Variants in ARID5B observed in about 807,000 individuals in gnomAD.
The protein encoded by ARID5B is AT-rich interactive domain-containing protein 5B.
ARID5B carries 13 observed loss-of-function variants against 97.2 expected under a neutral mutation model. The ratio of observed to expected loss-of-function variants is 0.13; its 90% confidence interval spans 0.09 to 0.21. The LOEUF (loss-of-function observed/expected upper bound fraction) is 0.21. ARID5B is among the 10% of genes least tolerant of loss of function. The pLI is 1.00. For missense variants in ARID5B, 1,210 were observed against 1,465.3 expected, an observed-to-expected ratio of 0.83 and a Z score of 2.84; for synonymous variants, 556 against 570.3, an observed-to-expected ratio of 0.97 and a Z score of 0.36.
chr10:62,006,098 G>A (rs80019219), intron 4 of ARID5B, among the ~76,000 whole-genome samples: 2,524 of 152,258 alleles, frequency 0.017, 78 homozygotes, highest in African/African-American at 0.058. Context: ...CTTACTTGGA[G>A]GACTGCTTTG....
chr10:62,095,477 T>C lies in ARID5B; in HGVS notation c.*2447T>C, dbSNP rs529599190. 19 of 233,602 alleles carry C rather than the reference T, an allele frequency of 8.1e-5. No individual in the cohort carries two copies. Among genetic ancestry groups the C allele is most frequent in the Non-Finnish European group, 1.3e-4 (15 of 118,038 alleles). 14.5% of individuals were successfully genotyped at this position (233,602 alleles called of 1,614,324 possible). A position where few individuals can be genotyped will look rare whatever the true frequency, so the allele number is the denominator to read the frequency against. ...ATGATTTCAGTCTGGTTTCATCATG[T>C]TGGAATTCGATCACACCATTTTCAA... On this transcript the variant is annotated 3_prime_UTR_variant, in exon 10 of 10. Coordinates refer to ENST00000279873, the MANE Select transcript of ARID5B (RefSeq NM_032199.3).
chr10:62,020,006 G>A (rs142802425), intron 4 of ARID5B, among the ~76,000 whole-genome samples: 4 of 152,054 alleles, frequency 2.6e-5, no homozygotes, highest in African/African-American at 9.7e-5. Flanking sequence ...GAAGAGAAGC[G>A]AGTCTCAGCC....
In ARID5B at chr10:61,914,682, C is replaced by A. The variant is rs1035208531; in HGVS notation, c.276+12269C>A. ...AATGAAGTCAAAGTCACAACATTTT[C>A]CATTAATTCAGTGACCACTTATATG... On this transcript the variant is annotated intron_variant, in intron 2 of 9. Coordinates refer to ENST00000279873, the MANE Select transcript of ARID5B (RefSeq NM_032199.3). 1.8e-4 allele frequency among the ~76,000 whole-genome samples: 27 copies of A among 152,308 alleles called. No homozygotes were observed. The East Asian group carries it at 5.0e-3, about 28-fold the overall frequency.
chr10:62,074,804 T>C (rs1840106878), intron 8 of ARID5B, among the ~76,000 whole-genome samples: 1 of 152,238 alleles, frequency 6.6e-6, no homozygotes, highest in African/African-American at 2.4e-5. Flanking sequence ...ATTTTCTGAC[T>C]TGTCCATGAA....
At chr10:62,076,306 G>A (rs1423366183) in intron 8 of ARID5B, among the ~76,000 whole-genome samples, 6 of 152,266 alleles carry the variant, frequency 3.9e-5, no homozygotes, top group South Asian at 2.1e-4. Context: ...TTGGGAGGCC[G>A]AGGCGGGCAG....
At chr10:61,937,351 T>C (rs978897499) in intron 2 of ARID5B, among the ~76,000 whole-genome samples, 2 of 152,186 alleles carry the variant, frequency 1.3e-5, no homozygotes, top group South Asian at 4.1e-4. Flanking sequence ...GCCATGCACA[T>C]GGGCTGACTG....
At chr10:62,045,490 G>A (rs1223021210) in intron 4 of ARID5B, among the ~76,000 whole-genome samples, 1 of 146,944 alleles carries the variant, frequency 6.8e-6, no homozygotes, top group African/African-American at 2.5e-5. Flanking sequence ...TCTGTTGCCT[G>A]CCCAGGCTGG....
At chr10:62,068,558 G>A (rs1840022908) in intron 7 of ARID5B, among the ~76,000 whole-genome samples, 1 of 149,626 alleles carries the variant, frequency 6.7e-6, no homozygotes, top group Non-Finnish European at 1.5e-5. Flanking sequence ...TTTGATTGCT[G>A]CCTTTAGCCC....
chr10:61,937,228 T>C (rs1303688932), intron 2 of ARID5B, among the ~76,000 whole-genome samples: 1 of 152,228 alleles, frequency 6.6e-6, no homozygotes, highest in Non-Finnish European at 1.5e-5. Context: ...TCTATCAGTT[T>C]CAACTGTTTT....
intron 3 of ARID5B, among the ~76,000 whole-genome samples, chr10:61,965,271 C>G (rs1838528812): frequency 6.6e-6 from 1 of 152,112 alleles, no homozygotes. Context: ...TTCAAACGTA[C>G]ATCTCCTTTG....
intron 3 of ARID5B, among the ~76,000 whole-genome samples, chr10:61,973,884 G>A (rs377521932): frequency 6.6e-6 from 1 of 152,096 alleles, no homozygotes; most frequent in African/African-American, 2.4e-5. Flanking sequence ...AGTGCAGTGC[G>A]GGTTTATTGT....
At chr10:62,004,696 A>C (rs1436655332) in intron 4 of ARID5B, among the ~76,000 whole-genome samples, 2 of 152,234 alleles carry the variant, frequency 1.3e-5, no homozygotes, top group East Asian at 3.8e-4. Context: ...AAACAAACAC[A>C]TACAAACATT....
rs919247879 is a variant in ARID5B, at chr10:61,904,393, G to A, written c.276+1980G>A. 2.6e-5 allele frequency among the ~76,000 whole-genome samples: 4 copies of A among 152,254 alleles called. No homozygotes were observed. The South Asian group carries it at 8.3e-4, about 32-fold the overall frequency. On this transcript the variant is annotated intron_variant, in intron 2 of 9. Coordinates refer to ENST00000279873, the MANE Select transcript of ARID5B (RefSeq NM_032199.3). ...GGTGAATTCTGATTTAAGAATAAAG[G>A]CTATATTTGCCAAACGTTGCATCTG...
At chr10:61,992,543 T>G (rs910065460) in intron 3 of ARID5B, among the ~76,000 whole-genome samples, 1 of 152,250 alleles carries the variant, frequency 6.6e-6, no homozygotes, top group African/African-American at 2.4e-5. Flanking sequence ...CCCTTGGTTT[T>G]GGGTTTGAAA....
chr10:61,938,695 T>C (rs924712168), intron 2 of ARID5B, among the ~76,000 whole-genome samples: 25 of 152,170 alleles, frequency 1.6e-4, no homozygotes, highest in Non-Finnish European at 2.8e-4. Context: ...CAGTTTCCAC[T>C]TTGTCTCCCA....
intron 4 of ARID5B, among the ~76,000 whole-genome samples, chr10:62,029,813 T>C (rs1839471852): frequency 6.6e-6 from 1 of 152,252 alleles, no homozygotes; most frequent in Non-Finnish European, 1.5e-5. Flanking sequence ...CAATTAATCA[T>C]GACATTGAAA....
intron 7 of ARID5B, among the ~76,000 whole-genome samples, chr10:62,067,979 C>T (rs1384473219): frequency 6.6e-6 from 1 of 152,158 alleles, no homozygotes; most frequent in African/African-American, 2.4e-5. Context: ...ACCCCCAGGG[C>T]CCACAGGTCT....
chr10:62,034,658 G>T (rs1331641878), intron 4 of ARID5B, among the ~76,000 whole-genome samples: 2 of 151,998 alleles, frequency 1.3e-5, no homozygotes, highest in Non-Finnish European at 2.9e-5. Context: ...TTGTGGCAGG[G>T]GATTATTTTG....
Position 61,901,701 on chromosome 10 carries a change from A to G in ARID5B, c.-9A>G. On this transcript the variant is annotated 5_prime_UTR_variant, in exon 1 of 10. Coordinates refer to ENST00000279873, the MANE Select transcript of ARID5B (RefSeq NM_032199.3). ...AGAATGTTGAGTTCAATCAATTCAG[A>G]ACGTCGAGATGGAGCCCAACTCACT... The G allele has an allele frequency of 5.6e-6, 9 of 1,613,984 alleles. No homozygotes were observed. Among genetic ancestry groups the G allele is most frequent in the Non-Finnish European group, 7.6e-6 (9 of 1,179,966 alleles).
Sources: allele counts gnomAD v4.1 joint callset (sites outside exome capture counted in the v4.1 genomes callset), GRCh38; gene constraint gnomAD v4.1.1; transcripts MANE v1.5; gene names NCBI Gene and HGNC (gene_info 2026-07-23, HGNC 2026-07-21).